Variants in DYRK1A observed in about 807,000 individuals in gnomAD.
DYRK1A encodes dual specificity tyrosine phosphorylation regulated kinase 1A.
Under a neutral mutation model 79.7 loss-of-function variants are expected in DYRK1A, and 9 were observed. The ratio of observed to expected loss-of-function variants is 0.11; its 90% CI spans 0.07 to 0.20. The LOEUF is 0.20. DYRK1A is among the 10% of genes least tolerant of loss of function. The pLI, the probability that DYRK1A is intolerant of heterozygous loss-of-function variation, is 1.00. For synonymous variants in DYRK1A, 349 were observed against 329.7 expected, an observed-to-expected ratio of 1.06 and a Z score of -0.63; for missense variants, 622 against 956.0, an observed-to-expected ratio of 0.65 and a Z score of 4.61.
chr21:37,407,992 A>T (rs1311027870), intron 1 of DYRK1A, among the ~76,000 whole-genome samples: 1 of 146,786 alleles, frequency 6.8e-6, no homozygotes, highest in African/African-American at 2.6e-5. Flanking sequence ...TTGTGTTAAC[A>T]CAATGAATGC....
intron 2 of DYRK1A, among the ~76,000 whole-genome samples, chr21:37,442,528 T>C (rs2051139713): frequency 1.3e-5 from 2 of 152,212 alleles, no homozygotes; most frequent in Admixed American, 1.3e-4. Context: ...AGTTTTACCC[T>C]TTGTGTTTTT....
Position 37,505,534 on chromosome 21 carries a change from C to T in DYRK1A, c.1464C>T (p.Pro488=), listed in dbSNP as rs541193560. 52 of 1,611,902 alleles carry T rather than the reference C, an allele frequency of 3.2e-5. No homozygotes were observed. The Middle Eastern group carries it at 9.9e-4, about 31-fold the overall frequency. The change falls in exon 10 of 12, where the codon CCC becomes CCT. Residue 488 remains proline (P), a synonymous_variant. Transcript: ENST00000647188. ...CAAGTAATAGTGTATCTACAAGCCC[C>T]GCCATGGAGCAGTCTCAGTCTTCGG... The part of the protein sequence containing the change: ...TNTSNSVSTS[P]AMEQSQSSGT...
At chr21:37,511,516 T>C (rs1468683631) in intron 11 of DYRK1A, among the ~76,000 whole-genome samples, 4 of 152,118 alleles carry the variant, frequency 2.6e-5, no homozygotes, top group African/African-American at 7.2e-5. Flanking sequence ...TAGTAGTCCT[T>C]TATTGAAAGA....
intron 1 of DYRK1A, among the ~76,000 whole-genome samples, chr21:37,404,074 A>G (rs1468313905): frequency 6.6e-6 from 1 of 151,988 alleles, no homozygotes; most frequent in East Asian, 1.9e-4. Context: ...TTGAAGGAGG[A>G]AGGGAATGTT....
intron 2 of DYRK1A, among the ~76,000 whole-genome samples, chr21:37,436,531 C>T (rs976000134): frequency 1.1e-4 from 17 of 152,140 alleles, no homozygotes; most frequent in African/African-American, 4.1e-4. Flanking sequence ...ACTCTTTTGC[C>T]TTCTTTTGTC....
intron 4 of DYRK1A, among the ~76,000 whole-genome samples, chr21:37,480,217 G>T (rs564593747): frequency 1.3e-5 from 2 of 152,256 alleles, no homozygotes; most frequent in Admixed American, 1.3e-4. Context: ...CAAATATAAA[G>T]TTGGGATTGA....
At chr21:37,503,076 C>T (rs1378212036) in intron 9 of DYRK1A, 2 of 143,470 alleles carry the variant, frequency 1.4e-5, no homozygotes, top group Non-Finnish European at 3.1e-5. Context: ...TTGATTTCCG[C>T]AGTTTGACTA....
intron 1 of DYRK1A, among the ~76,000 whole-genome samples, chr21:37,396,231 G>A (rs2049957527): frequency 6.6e-6 from 1 of 152,016 alleles, no homozygotes; most frequent in Non-Finnish European, 1.5e-5. Context: ...TTTTAGGTTG[G>A]GGATGGAGGG....
intron 2 of DYRK1A, among the ~76,000 whole-genome samples, chr21:37,441,616 T>C (rs1254774643): frequency 6.6e-6 from 1 of 152,172 alleles, no homozygotes; most frequent in Non-Finnish European, 1.5e-5. Flanking sequence ...TTCCAAAGGA[T>C]ATTAGATCAC....
Position 37,512,799 on chromosome 21 carries a change from A to C in DYRK1A, c.*268A>C, listed in dbSNP as rs757688635. Reference sequence around the variant, plus strand: ...TTTTAACTTGCCACATCCCAGTCACAGTGGGGTTTTTTTGTCTTTCTATTC... The same window carrying C: ...TTTTAACTTGCCACATCCCAGTCACCGTGGGGTTTTTTTGTCTTTCTATTC... On this transcript the variant is annotated 3_prime_UTR_variant, in exon 12 of 12. Transcript: ENST00000647188. The C allele has an allele frequency of 2.3e-6, 1 of 427,262 alleles. No individual in the cohort carries two copies. The highest frequency in any genetic ancestry group is 3.6e-5 in the East Asian group (1 of 27,932). The allele number at this position is 427,262 out of a possible 1,614,324, so 26.5% of individuals were successfully genotyped here. A position where few individuals can be genotyped will look rare whatever the true frequency, so the allele number is the denominator to read the frequency against.
intron 10 of DYRK1A, 98 bp from the exon 11 acceptor site, chr21:37,506,001 G>C (rs1412398158): frequency 7.3e-7 from 1 of 1,365,160 alleles, no homozygotes; most frequent in African/African-American, 1.4e-5. Flanking sequence ...GTGTGTGTGT[G>C]AGTACTTTCA....
upstream of DYRK1A, among the ~76,000 whole-genome samples, chr21:37,366,600 A>G (rs1278973713): frequency 6.7e-6 from 1 of 150,176 alleles, no homozygotes; most frequent in East Asian, 2.0e-4. Context: ...CCTTCACGTG[A>G]CCTGAGGGGG....
chr21:37,506,495 T>C lies in DYRK1A; in HGVS notation c.1644+272T>C. ...TTTATCTCATTTACCAAAGCAGCGT[T>C]TTGAGCCTCATGCTTTTTTGATTCC... is the stretch of plus-strand genomic sequence containing the variant. On this transcript the variant is annotated intron_variant, in intron 11 of 11. Transcript: ENST00000647188. The C allele has an allele frequency of 3.1e-6, 3 of 971,910 alleles. No individual in the cohort carries two copies. The South Asian group carries it at 5.5e-5, about 18-fold the overall frequency. The allele number at this position is 971,910 out of a possible 1,614,324, so 60.2% of individuals were successfully genotyped here.
intron 1 of DYRK1A, among the ~76,000 whole-genome samples, chr21:37,414,467 A>C (rs566210774): frequency 6.6e-6 from 1 of 152,312 alleles, no homozygotes; most frequent in African/African-American, 2.4e-5. Flanking sequence ...TTAGTGGTTT[A>C]AAGTAGAAAA....
At chr21:37,440,258 C>T (rs890478398) in intron 2 of DYRK1A, among the ~76,000 whole-genome samples, 29 of 149,638 alleles carry the variant, frequency 1.9e-4, no homozygotes, top group African/African-American at 6.9e-4. Flanking sequence ...GCCTCAGCCT[C>T]CTGAGTAGCT....
intron 2 of DYRK1A, among the ~76,000 whole-genome samples, chr21:37,467,204 AATC>A (rs755269557): frequency 3.9e-5 from 6 of 152,104 alleles, no homozygotes; most frequent in Non-Finnish European, 5.9e-5. Flanking sequence ...ACACGCATAA[AATC>A]ATGACCAAAT....
At chr21:37,418,635 A>C (rs1371579276) in intron 1 of DYRK1A, among the ~76,000 whole-genome samples, 3 of 152,206 alleles carry the variant, frequency 2.0e-5, no homozygotes, top group Non-Finnish European at 4.4e-5. Context: ...CATAATTTTA[A>C]AGACTGACCA....
At chr21:37,370,216 C>T (rs1239410959) in intron 1 of DYRK1A, among the ~76,000 whole-genome samples, 1 of 151,870 alleles carries the variant, frequency 6.6e-6, no homozygotes, top group East Asian at 1.9e-4. Flanking sequence ...ATACAGTGAC[C>T]TTTGGCATGC....
chr21:37,384,425 A>T lies in DYRK1A; in HGVS notation c.-77+16797A>T, dbSNP rs988206702. Reference sequence around the variant, plus strand: ...AATGCAGGATTCATTGAGACCCCAGAAGAGTTATGTCTTGGTAGTGGGGCT... The same window carrying T: ...AATGCAGGATTCATTGAGACCCCAGTAGAGTTATGTCTTGGTAGTGGGGCT... On this transcript the variant is annotated intron_variant, in intron 1 of 11. Transcript: ENST00000647188. Among the ~76,000 whole-genome samples, 3 of 152,174 alleles carry T rather than the reference A, an allele frequency of 2.0e-5. No individual in the cohort carries two copies. The East Asian group carries it at 5.8e-4, about 29-fold the overall frequency.
Sources: gnomAD v4.1 joint callset for allele counts (sites outside exome capture counted in the v4.1 genomes callset) on GRCh38, gnomAD v4.1.1 for gene constraint, MANE v1.5 for transcripts, NCBI Gene and HGNC (gene_info 2026-07-23, HGNC 2026-07-21) for gene names.